Variants in DGKB observed in about 807,000 individuals in gnomAD.
DGKB encodes diacylglycerol kinase beta.
Under a neutral mutation model 114.3 loss-of-function variants are expected in DGKB, and 67 were observed. The ratio of observed to expected loss-of-function variants is 0.59; its 90% CI spans 0.48 to 0.72. The LOEUF is 0.72. Ranked by LOEUF, DGKB falls within the 30% of genes least tolerant of loss-of-function variation. The pLI is 0.00. For synonymous variants in DGKB, 398 were observed against 323.1 expected, an observed-to-expected ratio of 1.23 and a Z score of -2.49; for missense variants, 907 against 975.2, an observed-to-expected ratio of 0.93 and a Z score of 0.93.
chr7:14,163,099 A>G (rs1195627745), intron 25 of DGKB, among the ~76,000 whole-genome samples: 1 of 152,198 alleles, frequency 6.6e-6, no homozygotes, highest in Non-Finnish European at 1.5e-5. Flanking sequence ...AGATCCAGCA[A>G]TGAACCAAAA....
chr7:14,358,928 C>G (rs1563010699), intron 21 of DGKB, among the ~76,000 whole-genome samples: 1 of 152,018 alleles, frequency 6.6e-6, no homozygotes, highest in Non-Finnish European at 1.5e-5. Context: ...ACTTTCTTCA[C>G]AGAATTGGAA....
chr7:14,721,520 A>AG (rs34730878), intron 5 of DGKB, among the ~76,000 whole-genome samples: 1 of 151,292 alleles, frequency 6.6e-6, no homozygotes, highest in African/African-American at 2.4e-5. Flanking sequence ...TATCACATGG[A>AG]ATACGGTTAA....
At chr7:14,418,249 G>T (rs1332835190) in intron 21 of DGKB, among the ~76,000 whole-genome samples, 1 of 126,362 alleles carries the variant, frequency 7.9e-6, no homozygotes, top group East Asian at 2.8e-4. Context: ...ATATATGTGT[G>T]TATATATTAT....
At chr7:14,927,614 AT>A (rs34081588) in intron 1 of DGKB, among the ~76,000 whole-genome samples, 20,707 of 152,046 alleles carry the variant, frequency 0.14, 1,654 homozygotes, top group Non-Finnish European at 0.19. Context: ...GTTGAATTAT[AT>A]ATACTTTTAA....
chr7:14,815,652 T>G (rs1844030083), intron 2 of DGKB, among the ~76,000 whole-genome samples: 1 of 152,194 alleles, frequency 6.6e-6, no homozygotes, highest in Non-Finnish European at 1.5e-5. Flanking sequence ...AGTGGCTCTC[T>G]TGGTGACCCC....
intron 23 of DGKB, among the ~76,000 whole-genome samples, chr7:14,214,542 T>A (rs1788655921): frequency 6.6e-6 from 1 of 152,086 alleles, no homozygotes; most frequent in African/African-American, 2.4e-5. Context: ...ATAAATGCAT[T>A]TTCTTATTTT....
At chr7:14,324,915 A>G (rs1808458569) in intron 23 of DGKB, among the ~76,000 whole-genome samples, 1 of 152,182 alleles carries the variant, frequency 6.6e-6, no homozygotes, top group Non-Finnish European at 1.5e-5. Flanking sequence ...GAACTCTTTC[A>G]ACCTTTCTTC....
chr7:14,722,512 T>C (rs995234041), intron 5 of DGKB, among the ~76,000 whole-genome samples: 8 of 152,086 alleles, frequency 5.3e-5, no homozygotes, highest in African/African-American at 1.9e-4. Flanking sequence ...TTTTGAGGTG[T>C]TTAATTAATA....
chr7:14,915,901 T>A (rs1373438655), intron 1 of DGKB, among the ~76,000 whole-genome samples: 2 of 151,996 alleles, frequency 1.3e-5, no homozygotes, highest in Non-Finnish European at 2.9e-5. Flanking sequence ...AGAAAGAGTA[T>A]CAGAGAAGGC....
At chr7:14,432,813 C>T (rs530757623) in intron 21 of DGKB, among the ~76,000 whole-genome samples, 1 of 152,110 alleles carries the variant, frequency 6.6e-6, no homozygotes, top group South Asian at 2.1e-4. Flanking sequence ...TCTCTCTTTC[C>T]CTTGTCTTTC....
At chr7:14,819,864 G>A (rs1484682363) in intron 2 of DGKB, among the ~76,000 whole-genome samples, 1 of 152,034 alleles carries the variant, frequency 6.6e-6, no homozygotes, top group Admixed American at 6.6e-5. Flanking sequence ...ACTAATAGAA[G>A]GGTCAAATAA....
At chr7:14,592,003 A>G (rs1389227739) in intron 17 of DGKB, among the ~76,000 whole-genome samples, 1 of 151,938 alleles carries the variant, frequency 6.6e-6, no homozygotes, top group Non-Finnish European at 1.5e-5. Context: ...TTTTATTCCA[A>G]TCTTATATTT....
intron 23 of DGKB, among the ~76,000 whole-genome samples, chr7:14,302,923 G>A (rs990852334): frequency 7.9e-5 from 12 of 152,100 alleles, no homozygotes; most frequent in Admixed American, 2.0e-4. Context: ...ATAGGCCAAC[G>A]AAAATTATTT....
At chr7:14,479,533 G>A (rs1159191212) in intron 20 of DGKB, among the ~76,000 whole-genome samples, 2 of 152,180 alleles carry the variant, frequency 1.3e-5, no homozygotes, top group Admixed American at 6.5e-5. Context: ...CCCCTCTACG[G>A]TTTAATATTT....
intron 23 of DGKB, among the ~76,000 whole-genome samples, chr7:14,320,657 G>C (rs1171274315): frequency 6.6e-6 from 1 of 151,652 alleles, no homozygotes; most frequent in Non-Finnish European, 1.5e-5. Flanking sequence ...TATAACTTAA[G>C]TTACAGGGCT....
chr7:14,286,211 C>A (rs1800847084), intron 23 of DGKB, among the ~76,000 whole-genome samples: 1 of 152,104 alleles, frequency 6.6e-6, no homozygotes, highest in South Asian at 2.1e-4. Context: ...CACACAACAC[C>A]TGTGAGTCAG....
intron 21 of DGKB, among the ~76,000 whole-genome samples, chr7:14,437,895 G>A (rs369424078): frequency 2.0e-5 from 3 of 151,046 alleles, no homozygotes; most frequent in Non-Finnish European, 4.4e-5. Context: ...TGAAAAACAC[G>A]TCAAAGAAAT....
chr7:14,688,270 A>T (rs1333354990), intron 9 of DGKB, among the ~76,000 whole-genome samples: 1 of 152,212 alleles, frequency 6.6e-6, no homozygotes, highest in African/African-American at 2.4e-5. Context: ...TATAAAACAA[A>T]AATAAGCAGG....
chr7:14,457,988 T>G (rs967338823), intron 21 of DGKB, among the ~76,000 whole-genome samples: 1 of 152,182 alleles, frequency 6.6e-6, no homozygotes, highest in Admixed American at 6.5e-5. Flanking sequence ...TTGCGGGAAG[T>G]GCGGCAAGGC....
Sources: allele counts gnomAD v4.1 joint callset (sites outside exome capture counted in the v4.1 genomes callset), GRCh38; gene constraint gnomAD v4.1.1; transcripts MANE v1.5; gene names NCBI Gene and HGNC (gene_info 2026-07-23, HGNC 2026-07-21).